Variants in GRIA3 observed in about 807,000 individuals in gnomAD.
The protein encoded by GRIA3 is glutamate ionotropic receptor AMPA type subunit 3.
In GRIA3, 3 loss-of-function variants were observed where a neutral mutation model predicts 63.0. The ratio of observed to expected loss-of-function variants is 0.05; its 90% CI spans 0.02 to 0.12. GRIA3 has a LOEUF of 0.12. Ranked by LOEUF, GRIA3 falls within the 10% of genes least tolerant of loss-of-function variation. The probability of loss-of-function intolerance (pLI) is 1.00; values close to 1 mark genes in which losing one functional copy is unlikely to be tolerated. For synonymous variants in GRIA3, 274 were observed against 257.9 expected, an observed-to-expected ratio of 1.06 and a Z score of -0.60; for missense variants, 347 against 700.9, an observed-to-expected ratio of 0.50 and a Z score of 5.70.
chrX:123,385,682 T>C (rs1269476562), intron 5 of GRIA3, among the ~76,000 whole-genome samples: 1 of 112,168 alleles, frequency 8.9e-6, no homozygotes, highest in Non-Finnish European at 1.9e-5. Flanking sequence ...TGTTTTGTAA[T>C]TCTCATTGTA....
At chrX:123,197,032 A>G (rs893439262) in intron 2 of GRIA3, among the ~76,000 whole-genome samples, 3 of 112,172 alleles carry the variant, frequency 2.7e-5, no homozygotes, top group African/African-American at 9.7e-5. Flanking sequence ...ATGGCCTTGG[A>G]AAACAGTAAA....
chrX:123,294,536 C>A (rs2044673882), intron 3 of GRIA3, among the ~76,000 whole-genome samples: 1 of 111,167 alleles, frequency 9.0e-6, no homozygotes, highest in African/African-American at 3.3e-5. Flanking sequence ...TGGTATGTAG[C>A]CTTGACTCTC....
At chrX:123,418,046 T>G (rs2045545593) in intron 11 of GRIA3, 1 of 311,242 alleles carries the variant, frequency 3.2e-6, no homozygotes, top group Non-Finnish European at 5.5e-6. Context: ...ACATTGCCAC[T>G]AATATTAATA....
chrX:123,370,713 T>C (rs1302473318), intron 5 of GRIA3, among the ~76,000 whole-genome samples: 1 of 110,650 alleles, frequency 9.0e-6, no homozygotes, highest in East Asian at 2.8e-4. Flanking sequence ...GTTTTTTATT[T>C]TTAATTTTTG....
At chrX:123,187,154 T>G (rs1346496435) in intron 2 of GRIA3, among the ~76,000 whole-genome samples, 1 of 112,039 alleles carries the variant, frequency 8.9e-6, no homozygotes, top group Non-Finnish European at 1.9e-5. Flanking sequence ...GGTGAAACTT[T>G]GTATATGACT....
chrX:123,364,296 AAGTCATGCAATAAT>A (rs2045196795), intron 5 of GRIA3, among the ~76,000 whole-genome samples: 1 of 111,864 alleles, frequency 8.9e-6, no homozygotes. Flanking sequence ...AAGGCATGGG[AAGTCATGCAATAAT>A]AAGACAAAAA....
chrX:123,416,994 G>A lies in GRIA3; in HGVS notation c.1501-408G>A, dbSNP rs770284200. Among the ~76,000 whole-genome samples the A allele has an allele frequency of 2.0e-4, 23 of 112,451 alleles. No individual in the cohort carries two copies. In the South Asian group the frequency reaches 8.1e-3, roughly 40 times the overall value. On this transcript the variant is annotated intron_variant, in intron 10 of 15. Transcript: ENST00000620443. Reference sequence around the variant, plus strand: ...AGATATAAGAAGTATAGGATATTATGCCTGCTCCACAAGAATTTTCAGTCA... The same window carrying A: ...AGATATAAGAAGTATAGGATATTATACCTGCTCCACAAGAATTTTCAGTCA...
chrX:123,377,095 C>T (rs934257071), intron 5 of GRIA3, among the ~76,000 whole-genome samples: 25 of 109,759 alleles, frequency 2.3e-4, no homozygotes, highest in African/African-American at 8.0e-4. Context: ...CCACCATGCC[C>T]GGCTAATTTT....
intron 15 of GRIA3, among the ~76,000 whole-genome samples, chrX:123,488,436 A>G (rs746643142): frequency 8.9e-6 from 1 of 112,310 alleles, no homozygotes; most frequent in African/African-American, 3.2e-5. Flanking sequence ...TCTGTATTAA[A>G]ATGCCATGGA....
Position 123,398,812 on chromosome X carries a change from C to G in GRIA3, c.1080+9C>G, listed in dbSNP as rs772718635. ...AGAGAGCTCTGAAAATGGTAAAGAC[C>G]ACAATGGGTTATTGGGGTGGAAGAA... On this transcript the variant is annotated intron_variant, in intron 7 of 15. Transcript: ENST00000620443. The G allele has an allele frequency of 2.5e-6, 3 of 1,185,879 alleles. No individual in the cohort carries two copies. The highest frequency in any genetic ancestry group is 3.4e-6 in the Non-Finnish European group (3 of 874,784).
At chrX:123,219,661 T>G (rs4825841) in intron 2 of GRIA3, among the ~76,000 whole-genome samples, 7,202 of 111,720 alleles carry the variant, frequency 0.064, 255 homozygotes, top group Non-Finnish European at 0.1. Context: ...GACTGTACTC[T>G]GAGATCCCTA....
chrX:123,241,302 A>G (rs565698015), intron 2 of GRIA3, among the ~76,000 whole-genome samples: 5 of 111,457 alleles, frequency 4.5e-5, no homozygotes, highest in Admixed American at 3.8e-4. Flanking sequence ...TTTAAAAAGC[A>G]AAAGTCTATA....
At chrX:123,458,051 G>A (rs747137007) in intron 12 of GRIA3, among the ~76,000 whole-genome samples, 1 of 111,423 alleles carries the variant, frequency 9.0e-6, no homozygotes, top group South Asian at 3.9e-4. Flanking sequence ...ATTAACAAGT[G>A]ACACTGTGGC....
chrX:123,221,026 G>A (rs1430479238), intron 2 of GRIA3, among the ~76,000 whole-genome samples: 1 of 112,131 alleles, frequency 8.9e-6, no homozygotes, highest in Non-Finnish European at 1.9e-5. Context: ...GGATAAAAAT[G>A]ACAATAAAAT....
intron 3 of GRIA3, among the ~76,000 whole-genome samples, chrX:123,299,204 A>G (rs909504718): frequency 5.4e-5 from 6 of 111,476 alleles, no homozygotes; most frequent in African/African-American, 2.0e-4. Context: ...TTGCTTGGCT[A>G]TTCAGGCTCT....
At chrX:123,439,162 G>A (rs1258697163) in intron 12 of GRIA3, among the ~76,000 whole-genome samples, 1 of 112,106 alleles carries the variant, frequency 8.9e-6, no homozygotes, top group East Asian at 2.8e-4. Flanking sequence ...TTCTGTGTTT[G>A]GGTTGCAACT....
At chrX:123,207,592 G>A (rs1321649932) in intron 2 of GRIA3, among the ~76,000 whole-genome samples, 1 of 112,203 alleles carries the variant, frequency 8.9e-6, no homozygotes, top group South Asian at 3.8e-4. Flanking sequence ...TTCGGCAAAG[G>A]ATATTCTCTT....
intron 2 of GRIA3, among the ~76,000 whole-genome samples, chrX:123,240,364 G>GT (rs777432983): frequency 1.8e-5 from 2 of 111,246 alleles, no homozygotes; most frequent in Non-Finnish European, 3.8e-5. Flanking sequence ...TGGAAAATAG[G>GT]TTTTTTTGCT....
chrX:123,464,772 G>A (rs1410547731), intron 12 of GRIA3, 93 bp from the exon 13 acceptor site: 2 of 782,584 alleles, frequency 2.6e-6, no homozygotes, highest in Admixed American at 5.0e-5. Context: ...TTTTATTACT[G>A]TGGATTGCAA....
Sources: gnomAD v4.1 joint callset for allele counts (sites outside exome capture counted in the v4.1 genomes callset) on GRCh38, gnomAD v4.1.1 for gene constraint, MANE v1.5 for transcripts, NCBI Gene and HGNC (gene_info 2026-07-23, HGNC 2026-07-21) for gene names.